COL7A1: variants seen among roughly 807,000 people sequenced by gnomAD.
COL7A1 encodes collagen type VII alpha 1 chain, also known as collagen alpha-1(VII) chain.
Under a neutral mutation model 456.2 loss-of-function variants are expected in COL7A1, and 296 were observed. The observed-to-expected ratio is 0.65, with a 90% CI of 0.59 to 0.71. The LOEUF is 0.71. Ranked by LOEUF, COL7A1 falls within the 30% of genes least tolerant of loss-of-function variation. The pLI is 0.00. For missense variants in COL7A1, 3,441 were observed against 4,017.2 expected, an observed-to-expected ratio of 0.86 and a Z score of 3.88; for synonymous variants, 1,464 against 1,525.9, an observed-to-expected ratio of 0.96 and a Z score of 0.95.
At position 48,579,176 on chromosome 3, in the gene COL7A1, G is replaced by T. The variant is rs757363875; in HGVS notation, c.5388+21C>A. On this transcript the variant is annotated intron_variant, in intron 62 of 118. Transcript: ENST00000681320. This position sits in a 1 kb window ranked among gnomAD's most constrained non-coding sequence, Gnocchi z 4.4. ...AAGGGGTAGGGGAAGGGGACAACCA[G>T]GCAGGACTACCAAGACTCACATTCG... is the stretch of plus-strand genomic sequence containing the variant. 6.2e-7 allele frequency: 1 copy of T among 1,612,240 alleles called. No homozygotes were observed. The highest frequency in any genetic ancestry group is 1.7e-5 in the Admixed American group (1 of 60,034).
Position 48,592,959 on chromosome 3 carries a change from G to A in COL7A1, c.683-21C>T, listed in dbSNP as rs370323941. 4 of 1,613,366 alleles carry A rather than the reference G, an allele frequency of 2.5e-6. No homozygotes were observed. Among genetic ancestry groups the A allele is most frequent in the South Asian group, 1.1e-5 (1 of 91,056 alleles). ...ATCCGCTGGGAATGCGGGATCAGGG[G>A]ATCAGGCAGGAGGATTGGGGTGGGC... On this transcript the variant is annotated intron_variant, in intron 6 of 118. Transcript: ENST00000681320. The surrounding 1 kb of genome is among the most constrained non-coding windows in gnomAD (Gnocchi z 7.6).
At position 48,564,809 on chromosome 3, in the gene COL7A1, G is replaced by A; in HGVS notation, c.8792C>T (p.Pro2931Leu). Residue 2931 changes from proline (P) to leucine (L), a missense_variant, in exon 118 of 119, where the codon CCC (proline) becomes CTC (leucine). Physicochemically the swap from Pro to Leu is moderately conservative, Grantham distance 98 (BLOSUM62 -3). Transcript: ENST00000681320. The surrounding 1 kb of genome is among the most constrained non-coding windows in gnomAD (Gnocchi z 6.0). ...TREACERRCPPRVVQSQGTGT... is the reference protein window; with the variant it reads ...TREACERRCPLRVVQSQGTGT... ...TGTCCCCTGGCTCTGGACCACCCGG[G>A]GTGGGCAGCGGCGCTCGCAGGCCTC... is the stretch of plus-strand genomic sequence containing the variant. 6.2e-7 allele frequency: 1 copy of A among 1,613,974 alleles called. No homozygotes were observed. Among genetic ancestry groups the A allele is most frequent in the Non-Finnish European group, 8.5e-7 (1 of 1,179,988 alleles).
chr3:48,566,462 A>ACCCAGGCCCACCCAGGCCCT lies in COL7A1; in HGVS notation c.8358+28_8358+47dup. 1.3e-6 allele frequency: 2 copies of ACCCAGGCCCACCCAGGCCCT among 1,546,476 alleles called. No individual in the cohort carries two copies. Among genetic ancestry groups the ACCCAGGCCCACCCAGGCCCT allele is most frequent in the Admixed American group, 1.7e-5 (1 of 59,824 alleles). ...GGTGAGGGAGGTAGGGCCCCAGCCC[A>ACCCAGGCCCACCCAGGCCCT]CCCAGGCCCACCCAGGCCCTCCCAG... is the stretch of plus-strand genomic sequence containing the variant. On this transcript the variant is annotated intron_variant, in intron 113 of 118. Transcript: ENST00000681320. The surrounding 1 kb of genome is among the most constrained non-coding windows in gnomAD (Gnocchi z 5.9).
In COL7A1 at chr3:48,579,650, C is replaced by T. The variant is rs772195825; in HGVS notation, c.5173G>A (p.Gly1725Arg). ...AREKGEPGDRGQEGPRGPKGD... is the reference protein window; with the variant it reads ...AREKGEPGDRRQEGPRGPKGD... ...TTGGGCCCTCGAGGACCCTCTTGTC[C>T]GCGGTCCCCAGGCTCTCCCTGTGGC... The change falls in exon 59 of 119, where the codon GGA (glycine) becomes AGA (arginine). Residue 1725 changes from glycine to arginine, a missense_variant. Physicochemically the swap from Gly to Arg is moderately radical, Grantham distance 125. This residue lies in a region of COL7A1 where 2,084 missense variants were observed against 2,501.3 expected (regional missense o/e 0.83). Transcript: ENST00000681320. The surrounding 1 kb of genome is among the most constrained non-coding windows in gnomAD (Gnocchi z 4.4). The T allele has an allele frequency of 8.7e-6, 14 of 1,613,540 alleles. No individual in the cohort carries two copies. The highest frequency in any genetic ancestry group is 6.7e-5 in the Admixed American group (4 of 59,966).
At position 48,572,934 on chromosome 3, in the gene COL7A1, T is replaced by C. The variant is rs2107659901; in HGVS notation, c.6759A>G (p.Thr2253=). The change falls in exon 87 of 119, where the codon ACA becomes ACG. Residue 2253 remains threonine (T), a synonymous_variant. Coordinates refer to ENST00000681320, the MANE Select transcript of COL7A1 (RefSeq NM_000094.4). The surrounding 1 kb of genome is among the most constrained non-coding windows in gnomAD (Gnocchi z 4.6). Reference sequence around the variant, plus strand: ...CTCGACCTGGGGCTCCCGGCTTCCCTGTCTCCCCCTGAGAGGGAAGAGCTC... The same window carrying C: ...CTCGACCTGGGGCTCCCGGCTTCCCCGTCTCCCCCTGAGAGGGAAGAGCTC... The part of the protein sequence containing the change: ...SPGLPGQVGE[T]GKPGAPGRDG... 6.2e-7 allele frequency: 1 copy of C among 1,613,988 alleles called. No homozygotes were observed. The highest frequency in any genetic ancestry group is 8.5e-7 in the Non-Finnish European group (1 of 1,179,990).
At position 48,581,353 on chromosome 3, in the gene COL7A1, C is replaced by T; in HGVS notation, c.4819-13G>A. 1 of 1,613,598 alleles carries T rather than the reference C, an allele frequency of 6.2e-7. No individual in the cohort carries two copies. Among genetic ancestry groups the T allele is most frequent in the Non-Finnish European group, 8.5e-7 (1 of 1,179,942 alleles). ...GCCCTGAGTCACCCTGTGGAGGAGGCAAGAGGGAGGTGATGCAGGACGCTC... is the reference window on the plus strand; with the variant it reads ...GCCCTGAGTCACCCTGTGGAGGAGGTAAGAGGGAGGTGATGCAGGACGCTC... On this transcript the variant is annotated splice_polypyrimidine_tract_variant and intron_variant, in intron 51 of 118. Coordinates refer to ENST00000681320, the MANE Select transcript of COL7A1 (RefSeq NM_000094.4). The surrounding 1 kb of genome is among the most constrained non-coding windows in gnomAD (Gnocchi z 5.8).
rs1575425662 is a variant in COL7A1 at position 48,570,693 on chromosome 3, T to G, written c.7290A>C (p.Pro2430=). The change falls in exon 96 of 119, where the codon CCA becomes CCC. Residue 2430 remains proline, a synonymous_variant. Coordinates refer to ENST00000681320, the MANE Select transcript of COL7A1 (RefSeq NM_000094.4). The surrounding 1 kb of genome is among the most constrained non-coding windows in gnomAD (Gnocchi z 5.5). The part of the protein sequence containing the change: ...PSGERGLAGP[P]GREGIPGPLG... The stretch of plus-strand genomic sequence containing the variant: ...GGGGTCCTGGGATTCCTTCTCTCCC[T>G]GGGGGGCCTGCCAGACCCTACCAGA... 6.3e-7 allele frequency: 1 copy of G among 1,581,408 alleles called. No homozygotes were observed.
chr3:48,581,847 G>A lies in COL7A1; in HGVS notation c.4668+64C>T. 6 of 1,613,242 alleles carry A rather than the reference G, an allele frequency of 3.7e-6. No individual in the cohort carries two copies. Among genetic ancestry groups the A allele is most frequent in the Non-Finnish European group, 4.2e-6 (5 of 1,179,268 alleles). On this transcript the variant is annotated intron_variant, in intron 48 of 118. Transcript: ENST00000681320. The surrounding 1 kb of genome is among the most constrained non-coding windows in gnomAD (Gnocchi z 5.8). ...GTCCTGTGACCCCCCAAGTCCCATA[G>A]ATAGGCCCTATGACCTAGACCTCAA...
rs772557359 is a variant in COL7A1, at chr3:48,574,560, G to A, written c.6394-10C>T. 5 of 1,613,800 alleles carry A rather than the reference G, an allele frequency of 3.1e-6. No individual in the cohort carries two copies. In the Admixed American group the frequency reaches 8.3e-5, roughly 27 times the overall value. ...TGATGCCTGGCACACCCTGAAGGCA[G>A]AGTGTCGTGCCCTGAGCCCCCAGTC... On this transcript the variant is annotated splice_polypyrimidine_tract_variant and intron_variant, in intron 78 of 118. Coordinates refer to ENST00000681320, the MANE Select transcript of COL7A1 (RefSeq NM_000094.4). The surrounding 1 kb of genome is among the most constrained non-coding windows in gnomAD (Gnocchi z 5.0).
Position 48,575,441 on chromosome 3 carries a change from G to A in COL7A1, c.6078C>T (p.Pro2026=), listed in dbSNP as rs1047164776. 6.2e-7 allele frequency: 1 copy of A among 1,610,352 alleles called. No homozygotes were observed. Among genetic ancestry groups the A allele is most frequent in the African/African-American group, 1.3e-5 (1 of 74,934 alleles). The change falls in exon 74 of 119, where the codon CCC becomes CCT. Residue 2026 remains proline, a synonymous_variant. Transcript: ENST00000681320. This position sits in a 1 kb window ranked among gnomAD's most constrained non-coding sequence, Gnocchi z 6.3. Reference sequence around the variant, plus strand: ...CCCCGGCAAGGCCGGAAGGCCCGGGGGGGCCCCTCTCCCCAAGGGCCAGAC... The same window carrying A: ...CCCCGGCAAGGCCGGAAGGCCCGGGAGGGCCCCTCTCCCCAAGGGCCAGAC... ...PPGLALGERG[P]PGPSGLAGEP... is the part of the protein sequence containing the mutation.
In COL7A1 at chr3:48,564,317, G is replaced by T; in HGVS notation, c.*89C>A. On this transcript the variant is annotated 3_prime_UTR_variant, in exon 119 of 119. Coordinates refer to ENST00000681320, the MANE Select transcript of COL7A1 (RefSeq NM_000094.4). The surrounding 1 kb of genome is among the most constrained non-coding windows in gnomAD (Gnocchi z 6.0). ...CACACGCACGCTCACGTGCACACAA[G>T]CCTCTAGCACCAAGGGGAGGGACAG... 6.7e-7 allele frequency: 1 copy of T among 1,494,486 alleles called. No homozygotes were observed. The highest frequency in any genetic ancestry group is 9.3e-7 in the Non-Finnish European group (1 of 1,072,476). 92.6% of individuals were successfully genotyped at this position (1,494,486 alleles called of 1,614,324 possible). A position where few individuals can be genotyped will look rare whatever the true frequency, so the allele number is the denominator to read the frequency against.
rs373591264 is a variant in COL7A1 at position 48,592,298 on chromosome 3, T to C, written c.1094-50A>G. The C allele has an allele frequency of 4.3e-5, 70 of 1,613,532 alleles. No individual in the cohort carries two copies. Among genetic ancestry groups the C allele is most frequent in the East Asian group, 8.9e-5 (4 of 44,856 alleles). ...AGTGGGCCTTGCAGACTCAGGACTC[T>C]ACAGCCTTGTCTGAGGCGCGGGGAC... is the stretch of plus-strand genomic sequence containing the variant. On this transcript the variant is annotated intron_variant, in intron 9 of 118. Transcript: ENST00000681320. The surrounding 1 kb of genome is among the most constrained non-coding windows in gnomAD (Gnocchi z 7.6).
chr3:48,569,320 G>A lies in COL7A1; in HGVS notation c.7686+55C>T. On this transcript the variant is annotated intron_variant, in intron 103 of 118. Transcript: ENST00000681320. The surrounding 1 kb of genome is among the most constrained non-coding windows in gnomAD (Gnocchi z 4.9). Reference sequence around the variant, plus strand: ...CCCCTCCTGCCCTCACAGATGCTGTGGAACCACCACAGCCACAGGACCCCA... The same window carrying A: ...CCCCTCCTGCCCTCACAGATGCTGTAGAACCACCACAGCCACAGGACCCCA... 6.2e-7 allele frequency: 1 copy of A among 1,601,042 alleles called. No individual in the cohort carries two copies. The highest frequency in any genetic ancestry group is 8.6e-7 in the Non-Finnish European group (1 of 1,168,384).
Position 48,567,781 on chromosome 3 carries a change from T to A in COL7A1, c.7930-18A>T. ...GCTTCTCCCTGCAGGCATCAGGCAGTGGGGTGAGCCTTAGGCCCCAGGCCA... is the reference window on the plus strand; with the variant it reads ...GCTTCTCCCTGCAGGCATCAGGCAGAGGGGTGAGCCTTAGGCCCCAGGCCA... On this transcript the variant is annotated intron_variant, in intron 107 of 118. Coordinates refer to ENST00000681320, the MANE Select transcript of COL7A1 (RefSeq NM_000094.4). The surrounding 1 kb of genome is among the most constrained non-coding windows in gnomAD (Gnocchi z 4.3). 5 of 1,614,162 alleles carry A rather than the reference T, an allele frequency of 3.1e-6. No homozygotes were observed. The highest frequency in any genetic ancestry group is 4.2e-6 in the Non-Finnish European group (5 of 1,180,022).
rs1200921457 is a variant in COL7A1, at chr3:48,568,926, C to T, written c.7687-71G>A. Reference sequence around the variant, plus strand: ...CTGGGGGCTTAGAATACAACGAGCCCGCCAGCTGGGGCAGAGCTCAAGTCA... The same window carrying T: ...CTGGGGGCTTAGAATACAACGAGCCTGCCAGCTGGGGCAGAGCTCAAGTCA... On this transcript the variant is annotated intron_variant, in intron 103 of 118. Transcript: ENST00000681320. This position sits in a 1 kb window ranked among gnomAD's most constrained non-coding sequence, Gnocchi z 5.2. 14 of 1,457,830 alleles carry T rather than the reference C, an allele frequency of 9.6e-6. No individual in the cohort carries two copies. The highest frequency in any genetic ancestry group is 4.9e-5 in the South Asian group (4 of 82,314). 90.3% of individuals were successfully genotyped at this position (1,457,830 alleles called of 1,614,324 possible).
rs960990933 is a variant in COL7A1 at position 48,568,032 on chromosome 3, C to T, written c.7875+58G>A. The T allele has an allele frequency of 4.5e-5, 72 of 1,607,916 alleles. No individual in the cohort carries two copies. In the African/African-American group the frequency reaches 6.0e-4, roughly 13 times the overall value. ...CCCTAATATCTGACCCCAGGTCCCT[C>T]GCCCTTCAACATTAGGCCTTCCTGA... On this transcript the variant is annotated intron_variant, in intron 106 of 118. Coordinates refer to ENST00000681320, the MANE Select transcript of COL7A1 (RefSeq NM_000094.4). The surrounding 1 kb of genome is among the most constrained non-coding windows in gnomAD (Gnocchi z 5.2).
At position 48,569,912 on chromosome 3, in the gene COL7A1, G is replaced by A; in HGVS notation, c.7489C>T (p.Pro2497Ser). ...CCACGCTCTCCCCTGCTGCCAGGGGGCCCCTGTGTGAGAGAAGGTGACCGT... is the reference window on the plus strand; with the variant it reads ...CCACGCTCTCCCCTGCTGCCAGGGGACCCCTGTGTGAGAGAAGGTGACCGT... ...GQEGPRGLTG[P>S]PGSRGERGEK... is the part of the protein sequence containing the mutation. The change falls in exon 100 of 119, where the codon CCC becomes TCC. Residue 2497 changes from proline to serine, a missense_variant. Physicochemically the swap from Pro to Ser is moderately conservative, Grantham distance 74 (BLOSUM62 -1). Coordinates refer to ENST00000681320, the MANE Select transcript of COL7A1 (RefSeq NM_000094.4). The surrounding 1 kb of genome is among the most constrained non-coding windows in gnomAD (Gnocchi z 4.9). 6.2e-7 allele frequency: 1 copy of A among 1,614,060 alleles called. No homozygotes were observed. The highest frequency in any genetic ancestry group is 2.2e-5 in the East Asian group (1 of 44,870).
Position 48,574,591 on chromosome 3 carries a change from C to G in COL7A1, c.6394-41G>C. ...CGTGCCCTGAGCCCCCAGTCCCTGC[C>G]ACGTGCCCAGGTGCATATGCACACC... is the stretch of plus-strand genomic sequence containing the variant. On this transcript the variant is annotated intron_variant, in intron 78 of 118. Coordinates refer to ENST00000681320, the MANE Select transcript of COL7A1 (RefSeq NM_000094.4). This position sits in a 1 kb window ranked among gnomAD's most constrained non-coding sequence, Gnocchi z 5.0. 2 of 1,613,942 alleles carry G rather than the reference C, an allele frequency of 1.2e-6. No homozygotes were observed. Among genetic ancestry groups the G allele is most frequent in the Non-Finnish European group, 1.7e-6 (2 of 1,180,032 alleles).
chr3:48,578,564 G>A lies in COL7A1; in HGVS notation c.5425-49C>T. The stretch of plus-strand genomic sequence containing the variant: ...TTATAGGGCCTCTGAGATATCCCTT[G>A]GGGCACACCCCATGGACTAAGAGGA... On this transcript the variant is annotated intron_variant, in intron 63 of 118. Coordinates refer to ENST00000681320, the MANE Select transcript of COL7A1 (RefSeq NM_000094.4). This position sits in a 1 kb window ranked among gnomAD's most constrained non-coding sequence, Gnocchi z 4.7. The A allele has an allele frequency of 6.3e-7, 1 of 1,595,986 alleles. No individual in the cohort carries two copies. Among genetic ancestry groups the A allele is most frequent in the Non-Finnish European group, 8.6e-7 (1 of 1,166,940 alleles).
Sources: allele counts gnomAD v4.1 joint callset, GRCh38; gene constraint gnomAD v4.1.1; regional missense constraint gnomAD v4.1.1; non-coding constraint Gnocchi (gnomAD v3.1); transcripts MANE v1.5; gene names NCBI Gene and HGNC (gene_info 2026-07-23, HGNC 2026-07-21).